Variants in ZNF729 observed in about 807,000 individuals in gnomAD.
ZNF729 encodes the protein zinc finger protein 729.
In ZNF729, 15 loss-of-function variants were observed where a neutral mutation model predicts 12.2. The ratio of observed to expected loss-of-function variants is 1.23; its 90% confidence interval spans 0.82 to 1.89. ZNF729 has a LOEUF of 1.89. Among genes scored for constraint, ZNF729 ranks in the 40% most tolerant of loss-of-function variants. ZNF729 has a pLI of 0.00. For synonymous variants in ZNF729, 492 were observed against 476.3 expected (o/e 1.03, Z -0.43); for missense variants, 1,540 against 1,456.7 (o/e 1.06, Z -0.93).
intron 3 of ZNF729, among the ~76,000 whole-genome samples, chr19:22,307,225 T>C (rs1968389504): frequency 6.6e-6 from 1 of 151,914 alleles, no homozygotes; most frequent in South Asian, 2.1e-4. Flanking sequence ...GTGCTGATCT[T>C]GAACTCCTGG....
intron 1 of ZNF729, among the ~76,000 whole-genome samples, chr19:22,302,613 T>A (rs138582822): frequency 6.6e-6 from 1 of 152,410 alleles, no homozygotes; most frequent in East Asian, 1.9e-4. Flanking sequence ...ATTCTGGGAT[T>A]TAAGTGCATC....
rs1221417806 is a variant in ZNF729, at chr19:22,316,126, T to C, written c.2709T>C (p.Thr903=). The change falls in exon 4 of 4, where the codon ACT becomes ACC. Residue 903 remains threonine (T), a synonymous_variant. Transcript: ENST00000601693. ...TTACTGTACATAAGGTAATTCATAC[T>C]GCAGAGAAACCCTGTAAATGTGAAG... ...SKLTVHKVIH[T]AEKPCKCEEC... is the part of the protein sequence containing the mutation. The C allele has an allele frequency of 1.2e-6, 2 of 1,609,708 alleles. No individual in the cohort carries two copies. Among genetic ancestry groups the C allele is most frequent in the Admixed American group, 1.7e-5 (1 of 59,856 alleles).
At chr19:22,311,449 C>T (rs1202211486) in intron 3 of ZNF729, among the ~76,000 whole-genome samples, 2 of 151,826 alleles carry the variant, frequency 1.3e-5, no homozygotes, top group East Asian at 1.9e-4. Context: ...CATATTTGAC[C>T]CCATGATTAT....
chr19:22,299,024 C>T (rs1418784699), intron 1 of ZNF729: 1 of 152,144 alleles, frequency 6.6e-6, no homozygotes, highest in Non-Finnish European at 1.5e-5. Flanking sequence ...TATATAACCC[C>T]CCATTCAATG....
Position 22,293,397 on chromosome 19 carries a change from G to T in ZNF729, c.30+6842G>T, listed in dbSNP as rs1282497963. Among the ~76,000 whole-genome samples the T allele has an allele frequency of 2.6e-5, 4 of 151,664 alleles. No homozygotes were observed. The East Asian group carries it at 7.7e-4, about 29-fold the overall frequency. ...GACAAGGTTTAACCTTGTTGGCCAG[G>T]CTGGTCTCAAACTCCTGACCTCAAG... On this transcript the variant is annotated intron_variant, in intron 1 of 3. Transcript: ENST00000601693.
At chr19:22,302,741 T>TAAGGCC (rs1968329152) in intron 1 of ZNF729, among the ~76,000 whole-genome samples, 1 of 152,312 alleles carries the variant, frequency 6.6e-6, no homozygotes. Context: ...TTTGGAGGCC[T>TAAGGCC]TATTTAGGTC....
chr19:22,286,832 A>G (rs2145036641), intron 1 of ZNF729, among the ~76,000 whole-genome samples: 1 of 152,242 alleles, frequency 6.6e-6, no homozygotes, highest in East Asian at 1.9e-4. Context: ...TCTCTCCGAG[A>G]TTGTGCAGGG....
At chr19:22,304,604 G>A (rs2145051088) in intron 2 of ZNF729, 84 bp from the exon 3 acceptor site, 1 of 1,195,956 alleles carries the variant, frequency 8.4e-7, no homozygotes, top group South Asian at 1.5e-5. Context: ...CAATTTACTA[G>A]AATATTCTAT....
intron 3 of ZNF729, among the ~76,000 whole-genome samples, chr19:22,309,990 G>T (rs770711214): frequency 6.6e-6 from 1 of 151,704 alleles, no homozygotes; most frequent in African/African-American, 2.4e-5. Context: ...AAAAGGGGTT[G>T]AGTTATTGAT....
chr19:22,312,861 G>A (rs568972446), intron 3 of ZNF729, among the ~76,000 whole-genome samples: 24 of 152,180 alleles, frequency 1.6e-4, no homozygotes, highest in African/African-American at 5.1e-4. Flanking sequence ...TTTCAGGCGT[G>A]TGCCACCACG....
intron 1 of ZNF729, among the ~76,000 whole-genome samples, chr19:22,297,967 C>T (rs1001314381): frequency 2.1e-5 from 3 of 139,770 alleles, no homozygotes; most frequent in African/African-American, 8.2e-5. Context: ...ATCACCCCAT[C>T]GCACTCTGGC....
intron 1 of ZNF729, among the ~76,000 whole-genome samples, chr19:22,302,878 C>T (rs929838711): frequency 1.3e-5 from 2 of 148,190 alleles, no homozygotes; most frequent in Non-Finnish European, 3.0e-5. Context: ...CAACCTCCAC[C>T]TCCTGAGTTC....
chr19:22,303,723 G>A, intron 1 of ZNF729, 35 bp from the exon 2 acceptor site: 1 of 1,499,126 alleles, frequency 6.7e-7, no homozygotes, highest in Non-Finnish European at 8.9e-7. Flanking sequence ...TGGCCACTTG[G>A]GAAATGTATA....
In ZNF729 at chr19:22,297,887, C is replaced by A. The variant is rs561581247; in HGVS notation, c.31-5871C>A. Among the ~76,000 whole-genome samples the A allele has an allele frequency of 6.6e-5, 10 of 151,406 alleles. No individual in the cohort carries two copies. The South Asian group carries it at 2.1e-3, about 32-fold the overall frequency. ...CGGCATGGTTGTGCATGCCTGTAAT[C>A]TCAGCTACTCGGGAGGCTGAGGCCA... On this transcript the variant is annotated intron_variant, in intron 1 of 3. Transcript: ENST00000601693.
chr19:22,306,632 C>T (rs1213828373), intron 3 of ZNF729, among the ~76,000 whole-genome samples: 4 of 150,510 alleles, frequency 2.7e-5, no homozygotes, highest in South Asian at 2.1e-4. Context: ...TCTTGAAAAA[C>T]GGACATTATG....
At chr19:22,297,656 T>C (rs1302611291) in intron 1 of ZNF729, among the ~76,000 whole-genome samples, 2 of 151,740 alleles carry the variant, frequency 1.3e-5, no homozygotes, top group Non-Finnish European at 2.9e-5. Flanking sequence ...TATATATATA[T>C]ATATATATGG....
At chr19:22,297,833 G>A (rs1290294773) in intron 1 of ZNF729, among the ~76,000 whole-genome samples, 3 of 151,690 alleles carry the variant, frequency 2.0e-5, no homozygotes, top group Non-Finnish European at 2.9e-5. Flanking sequence ...GAGAAACTCC[G>A]TCTCTACTAA....
rs762673679 is a variant in ZNF729, at chr19:22,313,779, G to A, written c.362G>A (p.Arg121Gln). The A allele has an allele frequency of 5.0e-6, 8 of 1,597,034 alleles. No individual in the cohort carries two copies. Among genetic ancestry groups the A allele is most frequent in the East Asian group, 4.5e-5 (2 of 44,582 alleles). ...GCAAGATGTGGACATAAGAATTTAC[G>A]ATTAAGAAAAGATTGTAAAAGTGCC... ...TYARCGHKNL[R>Q]LRKDCKSANE... The change falls in exon 4 of 4, where the codon CGA becomes CAA. Residue 121 changes from arginine (R) to glutamine (Q), a missense_variant. Physicochemically the swap from Arg to Gln is conservative, Grantham distance 43. Coordinates refer to ENST00000601693, the MANE Select transcript of ZNF729 (RefSeq NM_001242680.2).
chr19:22,305,841 G>C (rs1013817885), intron 3 of ZNF729, among the ~76,000 whole-genome samples: 1 of 151,922 alleles, frequency 6.6e-6, no homozygotes, highest in Non-Finnish European at 1.5e-5. Context: ...CACTCTGTCA[G>C]CCAGGCTGGT....
Sources: allele counts gnomAD v4.1 joint callset (sites outside exome capture counted in the v4.1 genomes callset), GRCh38; gene constraint gnomAD v4.1.1; transcripts MANE v1.5; gene names NCBI Gene and HGNC (gene_info 2026-07-23, HGNC 2026-07-21).